The following KCNQ1 variants were observed in gnomAD, a reference collection of about 807,000 sequenced individuals.
The protein encoded by KCNQ1 is potassium voltage-gated channel subfamily Q member 1.
A neutral mutation model predicts 72.4 loss-of-function variants in KCNQ1; 49 were observed. That is an observed-to-expected ratio of 0.68 (90% CI 0.54 to 0.86). The LOEUF (loss-of-function observed/expected upper bound fraction) is 0.86. Ranked by LOEUF, KCNQ1 falls within the 40% of genes least tolerant of loss-of-function variation. The pLI is 0.00. For synonymous variants in KCNQ1, 450 were observed against 412.6 expected (o/e 1.09, Z -1.10); for missense variants, 790 against 945.1 (o/e 0.84, Z 2.15).
At position 2,495,470 on chromosome 11, in the gene KCNQ1, A is replaced by G. The variant is rs1846896592; in HGVS notation, c.387-32458A>G. 6.6e-6 allele frequency among the ~76,000 whole-genome samples: 1 copy of G among 152,188 alleles called. No individual in the cohort carries two copies. Among genetic ancestry groups the G allele is most frequent in the Non-Finnish European group, 1.5e-5 (1 of 68,042 alleles). ...ATCTCTCTAGCTTTCTGATATGGGC[A>G]TTTAGTGCTATAAATTTGCCTCTAA... is the stretch of plus-strand genomic sequence containing the variant. On this transcript the variant is annotated intron_variant, in intron 1 of 15. Coordinates refer to ENST00000155840, the MANE Select transcript of KCNQ1 (RefSeq NM_000218.3). The surrounding 1 kb of genome is among the most constrained non-coding windows in gnomAD (Gnocchi z 4.6).
At chr11:2,736,788 T>C (rs2283224) in intron 11 of KCNQ1, among the ~76,000 whole-genome samples, 1 of 152,232 alleles carries the variant, frequency 6.6e-6, no homozygotes, top group South Asian at 2.1e-4. Flanking sequence ...CTGGCTGGCA[T>C]GCGCCCTGCG....
rs1020223971 is a variant in KCNQ1 at position 2,588,232 on chromosome 11, C to T, written c.1252-481C>T. ...TTCCCCTTCCTGGCCCGTGCCCACCCCCTGTGGAGAGACCTGGCCTTCCCA... is the reference window on the plus strand; with the variant it reads ...TTCCCCTTCCTGGCCCGTGCCCACCTCCTGTGGAGAGACCTGGCCTTCCCA... On this transcript the variant is annotated intron_variant, in intron 9 of 15. Coordinates refer to ENST00000155840, the MANE Select transcript of KCNQ1 (RefSeq NM_000218.3). The surrounding 1 kb of genome is among the most constrained non-coding windows in gnomAD (Gnocchi z 5.6). Among the ~76,000 whole-genome samples the T allele has an allele frequency of 6.6e-6, 1 of 152,052 alleles. No individual in the cohort carries two copies. The highest frequency in any genetic ancestry group is 2.4e-5 in the African/African-American group (1 of 41,382).
Position 2,536,187 on chromosome 11 carries a change from G to T in KCNQ1, c.477+8169G>T, listed in dbSNP as rs563168990. ...GGAGCTCAGGCTCAGGGCAGCAGGG[G>T]CGCTCAGCTGGGCCGCGGCTCCACG... On this transcript the variant is annotated intron_variant, in intron 2 of 15. Coordinates refer to ENST00000155840, the MANE Select transcript of KCNQ1 (RefSeq NM_000218.3). This position sits in a 1 kb window ranked among gnomAD's most constrained non-coding sequence, Gnocchi z 7.4. 1.3e-5 allele frequency among the ~76,000 whole-genome samples: 2 copies of T among 152,356 alleles called. No homozygotes were observed. Among genetic ancestry groups the T allele is most frequent in the African/African-American group, 4.8e-5 (2 of 41,590 alleles).
Position 2,750,235 on chromosome 11 carries a change from A to G in KCNQ1, c.1515-18609A>G, listed in dbSNP as rs1335813622. ...AGGAATGACATGTATTCCAGGGAAGAATTGGGCCGGAGGCTGAAACAGGAC... is the reference window on the plus strand; with the variant it reads ...AGGAATGACATGTATTCCAGGGAAGGATTGGGCCGGAGGCTGAAACAGGAC... On this transcript the variant is annotated intron_variant, in intron 11 of 15. Transcript: ENST00000155840. This position sits in a 1 kb window ranked among gnomAD's most constrained non-coding sequence, Gnocchi z 6.3. Among the ~76,000 whole-genome samples the G allele has an allele frequency of 6.6e-6, 1 of 152,172 alleles. No individual in the cohort carries two copies. Among genetic ancestry groups the G allele is most frequent in the African/African-American group, 2.4e-5 (1 of 41,432 alleles).
At chr11:2,614,900 T>A in intron 10 of KCNQ1, 1 of 398,476 alleles carries the variant, frequency 2.5e-6, no homozygotes, top group Non-Finnish European at 4.4e-6. Flanking sequence ...ATTTACATTT[T>A]AAAATCAGTT....
chr11:2,447,641 C>T lies in KCNQ1; in HGVS notation c.386+2157C>T, dbSNP rs1181669130. Among the ~76,000 whole-genome samples the T allele has an allele frequency of 1.3e-5, 2 of 152,298 alleles. No individual in the cohort carries two copies. Among genetic ancestry groups the T allele is most frequent in the South Asian group, 2.1e-4 (1 of 4,826 alleles). On this transcript the variant is annotated intron_variant, in intron 1 of 15. Coordinates refer to ENST00000155840, the MANE Select transcript of KCNQ1 (RefSeq NM_000218.3). The surrounding 1 kb of genome is among the most constrained non-coding windows in gnomAD (Gnocchi z 7.6). ...ACCTGCAGCCTCACGAAATCAGGTC[C>T]AGCCTTGCGCCAGTCCAGCCTTGTG... is the stretch of plus-strand genomic sequence containing the variant.
At chr11:2,650,857 G>C in intron 10 of KCNQ1, 1 of 398,640 alleles carries the variant, frequency 2.5e-6, no homozygotes, top group Non-Finnish European at 4.4e-6. Context: ...GAGGATGAGT[G>C]AGATGATTTA....
chr11:2,729,603 C>T (rs191368552), intron 11 of KCNQ1, among the ~76,000 whole-genome samples: 67 of 152,336 alleles, frequency 4.4e-4, no homozygotes, highest in African/African-American at 1.6e-3. Flanking sequence ...CTTGTACAGG[C>T]TTTTTGTCTT....
chr11:2,812,367 G>A (rs1847507095), intron 15 of KCNQ1, among the ~76,000 whole-genome samples: 1 of 151,732 alleles, frequency 6.6e-6, no homozygotes, highest in Non-Finnish European at 1.5e-5. Flanking sequence ...CTGGGACGCC[G>A]AGGAGGGTTC....
At chr11:2,622,509 C>T in intron 10 of KCNQ1, 1 of 398,426 alleles carries the variant, frequency 2.5e-6, no homozygotes, top group Middle Eastern at 6.3e-4. Flanking sequence ...CTGCCAACCT[C>T]TGCTTTTTGG....
At chr11:2,504,803 G>T (rs934095677) in intron 1 of KCNQ1, among the ~76,000 whole-genome samples, 1 of 152,066 alleles carries the variant, frequency 6.6e-6, no homozygotes, top group Non-Finnish European at 1.5e-5. Flanking sequence ...GTAAGACAAG[G>T]GGTAAATGTT....
Position 2,627,510 on chromosome 11 carries a change from C to A in KCNQ1, c.1394-34451C>A. The A allele has an allele frequency of 2.5e-6, 1 of 398,482 alleles. No homozygotes were observed. Among genetic ancestry groups the A allele is most frequent in the South Asian group, 1.3e-4 (1 of 7,834 alleles). The allele number at this position is 398,482 out of a possible 1,614,324, so 24.7% of individuals were successfully genotyped here. A position where few individuals can be genotyped will look rare whatever the true frequency, so the allele number is the denominator to read the frequency against. On this transcript the variant is annotated intron_variant, in intron 10 of 15. Coordinates refer to ENST00000155840, the MANE Select transcript of KCNQ1 (RefSeq NM_000218.3). The surrounding 1 kb of genome is among the most constrained non-coding windows in gnomAD (Gnocchi z 4.9). ...CTTCTACTCTCCGTTTCTCTGAGTTCAAGCTTTTTAGAATTCCATATGTAA... is the reference window on the plus strand; with the variant it reads ...CTTCTACTCTCCGTTTCTCTGAGTTAAAGCTTTTTAGAATTCCATATGTAA...
intron 1 of KCNQ1, among the ~76,000 whole-genome samples, chr11:2,518,869 G>A (rs1847329911): frequency 1.3e-5 from 2 of 152,256 alleles, no homozygotes; most frequent in Admixed American, 6.5e-5. Flanking sequence ...GTGGCCACGG[G>A]AGCCCTGGGC....
chr11:2,475,475 A>T lies in KCNQ1; in HGVS notation c.386+29991A>T, dbSNP rs1316483266. ...AATGTGTGTTGCTTATGAAAATCAC[A>T]AAATTAAGTATGATGCCATCAAAAT... On this transcript the variant is annotated intron_variant, in intron 1 of 15. Coordinates refer to ENST00000155840, the MANE Select transcript of KCNQ1 (RefSeq NM_000218.3). This position sits in a 1 kb window ranked among gnomAD's most constrained non-coding sequence, Gnocchi z 5.8. Among the ~76,000 whole-genome samples the T allele has an allele frequency of 6.6e-6, 1 of 152,230 alleles. No individual in the cohort carries two copies. Among genetic ancestry groups the T allele is most frequent in the Non-Finnish European group, 1.5e-5 (1 of 68,050 alleles).
chr11:2,563,536 A>G lies in KCNQ1; in HGVS notation c.478-7092A>G, dbSNP rs1848204686. On this transcript the variant is annotated intron_variant, in intron 2 of 15. Coordinates refer to ENST00000155840, the MANE Select transcript of KCNQ1 (RefSeq NM_000218.3). This position sits in a 1 kb window ranked among gnomAD's most constrained non-coding sequence, Gnocchi z 7.4. The stretch of plus-strand genomic sequence containing the variant: ...TGAGCTTCCATTTTCCTTCCGCACC[A>G]TGCACTGATTTCCCCTGGGTTGAGG... Among the ~76,000 whole-genome samples the G allele has an allele frequency of 6.6e-6, 1 of 152,156 alleles. No individual in the cohort carries two copies. The highest frequency in any genetic ancestry group is 1.5e-5 in the Non-Finnish European group (1 of 68,028).
rs920175249 is a variant in KCNQ1 at position 2,642,088 on chromosome 11, T to G, written c.1394-19873T>G. On this transcript the variant is annotated intron_variant, in intron 10 of 15. Coordinates refer to ENST00000155840, the MANE Select transcript of KCNQ1 (RefSeq NM_000218.3). This position sits in a 1 kb window ranked among gnomAD's most constrained non-coding sequence, Gnocchi z 4.3. Reference sequence around the variant, plus strand: ...CAACTTTGTTATTTTTGCTCAGAATTGCTGTGGCTATTCCAGCTCTTTTTT... The same window carrying G: ...CAACTTTGTTATTTTTGCTCAGAATGGCTGTGGCTATTCCAGCTCTTTTTT... The G allele has an allele frequency of 2.5e-5, 10 of 398,392 alleles. No homozygotes were observed. The highest frequency in any genetic ancestry group is 1.8e-4 in the African/African-American group (9 of 48,650). The allele number at this position is 398,392 out of a possible 1,614,324, so 24.7% of individuals were successfully genotyped here.
At position 2,663,164 on chromosome 11, in the gene KCNQ1, C is replaced by G. The variant is rs536054581; in HGVS notation, c.1514+1083C>G. Reference sequence around the variant, plus strand: ...CTGCCCACTGTCTTTCCAGGCCCCCCCAGTTCACAGAGAGGTTGGCAGTAC... The same window carrying G: ...CTGCCCACTGTCTTTCCAGGCCCCCGCAGTTCACAGAGAGGTTGGCAGTAC... On this transcript the variant is annotated intron_variant, in intron 11 of 15. Transcript: ENST00000155840. This position sits in a 1 kb window ranked among gnomAD's most constrained non-coding sequence, Gnocchi z 5.2. The G allele has an allele frequency of 1.2e-3, 495 of 398,722 alleles. 3 individuals carry two copies. The highest frequency in any genetic ancestry group is 2.1e-3 in the Admixed American group (48 of 22,744). The allele number at this position is 398,722 out of a possible 1,614,324, so 24.7% of individuals were successfully genotyped here. A position where few individuals can be genotyped will look rare whatever the true frequency, so the allele number is the denominator to read the frequency against.
chr11:2,692,764 G>T (rs757503207), intron 11 of KCNQ1: 3 of 398,554 alleles, frequency 7.5e-6, no homozygotes, highest in Non-Finnish European at 1.3e-5. Flanking sequence ...CCAGGGTCTA[G>T]TACCTGCTGA....
chr11:2,465,612 C>A (rs1187379975), intron 1 of KCNQ1, among the ~76,000 whole-genome samples: 1 of 152,206 alleles, frequency 6.6e-6, no homozygotes, highest in Non-Finnish European at 1.5e-5. Context: ...ACCTTGCTCA[C>A]GCTAGGTGCC....
Sources: allele counts gnomAD v4.1 joint callset (sites outside exome capture counted in the v4.1 genomes callset), GRCh38; gene constraint gnomAD v4.1.1; non-coding constraint Gnocchi (gnomAD v3.1); transcripts MANE v1.5; gene names NCBI Gene and HGNC (gene_info 2026-07-23, HGNC 2026-07-21).